The following CDYL2 variants were observed in gnomAD, a reference collection of about 807,000 sequenced individuals.
CDYL2 encodes chromodomain Y-like protein 2.
In CDYL2, 23 loss-of-function variants were observed where a neutral mutation model predicts 49.4. That is an observed-to-expected ratio of 0.47 (90% CI 0.34 to 0.66). CDYL2 has a LOEUF of 0.66. CDYL2 is among the 30% of genes least tolerant of loss of function. CDYL2 has a pLI of 0.01. For synonymous variants in CDYL2, 360 were observed against 268.8 expected (o/e 1.34, Z -3.32); for missense variants, 678 against 656.4 (o/e 1.03, Z -0.36).
intron 1 of CDYL2, among the ~76,000 whole-genome samples, chr16:80,753,206 G>A (rs1226011508): frequency 6.6e-6 from 1 of 151,474 alleles, no homozygotes; most frequent in Non-Finnish European, 1.5e-5. Flanking sequence ...ATTAGAAAGA[G>A]GACAATGTAG....
At chr16:80,692,187 C>A (rs1567573348) in intron 1 of CDYL2, among the ~76,000 whole-genome samples, 2 of 152,218 alleles carry the variant, frequency 1.3e-5, no homozygotes, top group Non-Finnish European at 2.9e-5. Context: ...AAGAAGACTT[C>A]ACTGACGGGG....
rs189932653 is a variant in CDYL2, at chr16:80,768,058, C to A, written c.24+36092G>T. Among the ~76,000 whole-genome samples the A allele has an allele frequency of 4.4e-4, 67 of 152,306 alleles. No individual in the cohort carries two copies. In the Middle Eastern group the frequency reaches 0.01, roughly 23 times the overall value. On this transcript the variant is annotated intron_variant, in intron 1 of 6. Coordinates refer to ENST00000570137, the MANE Select transcript of CDYL2 (RefSeq NM_152342.4). ...ACTCCTCCCAGTTCATATAAGCTAA[C>A]ACCAGGATTCTAAAAGGCAAAGCCC... is the stretch of plus-strand genomic sequence containing the variant.
chr16:80,769,681 T>C (rs1210921290), intron 1 of CDYL2, among the ~76,000 whole-genome samples: 5 of 152,178 alleles, frequency 3.3e-5, no homozygotes, highest in African/African-American at 9.7e-5. Context: ...CCAGTACTTT[T>C]ATGGGTAGAA....
intron 1 of CDYL2, among the ~76,000 whole-genome samples, chr16:80,774,433 G>C (rs1203305566): frequency 6.6e-6 from 1 of 152,068 alleles, no homozygotes; most frequent in Non-Finnish European, 1.5e-5. Context: ...TGATCAACAG[G>C]TGCAAAGCTT....
intron 2 of CDYL2, among the ~76,000 whole-genome samples, chr16:80,661,312 T>A (rs972852662): frequency 7.0e-6 from 1 of 142,556 alleles, no homozygotes; most frequent in Non-Finnish European, 1.6e-5. Context: ...TATGGGCAGC[T>A]GGAGTAGAAG....
chr16:80,666,280 A>C (rs1567562145), intron 2 of CDYL2, among the ~76,000 whole-genome samples: 1 of 152,212 alleles, frequency 6.6e-6, no homozygotes, highest in Non-Finnish European at 1.5e-5. Flanking sequence ...AGCAATTTTA[A>C]AGGTGAAATC....
At chr16:80,645,191 A>G (rs1908280704) in intron 2 of CDYL2, among the ~76,000 whole-genome samples, 1 of 152,214 alleles carries the variant, frequency 6.6e-6, no homozygotes, top group Non-Finnish European at 1.5e-5. Context: ...CTACCATCAG[A>G]GTGAACAGGC....
chr16:80,628,236 A>G (rs1254678041), intron 3 of CDYL2: 1 of 152,212 alleles, frequency 6.6e-6, no homozygotes, highest in East Asian at 1.9e-4. Context: ...AACCCCTTGT[A>G]TTCACACTCT....
intron 1 of CDYL2, among the ~76,000 whole-genome samples, chr16:80,738,243 C>T (rs1001559474): frequency 3.3e-5 from 5 of 152,192 alleles, no homozygotes; most frequent in Non-Finnish European, 7.3e-5. Flanking sequence ...ATATGTGCCA[C>T]ATTTTCTTTA....
chr16:80,717,547 C>A lies in CDYL2; in HGVS notation c.25-32418G>T, dbSNP rs375673861. 3.3e-5 allele frequency among the ~76,000 whole-genome samples: 5 copies of A among 152,274 alleles called. No individual in the cohort carries two copies. In the East Asian group the frequency reaches 7.7e-4, roughly 24 times the overall value. On this transcript the variant is annotated intron_variant, in intron 1 of 6. Transcript: ENST00000570137. Reference sequence around the variant, plus strand: ...AAAGATTTCACTAGGGTGAAGACTGCTTTACCTCTTTAGGAACCATGAAGA... The same window carrying A: ...AAAGATTTCACTAGGGTGAAGACTGATTTACCTCTTTAGGAACCATGAAGA...
chr16:80,721,817 C>T (rs2142526292), intron 1 of CDYL2, among the ~76,000 whole-genome samples: 1 of 152,292 alleles, frequency 6.6e-6, no homozygotes, highest in East Asian at 1.9e-4. Flanking sequence ...CCATCCCCAT[C>T]CTTCTCCTGG....
chr16:80,676,969 T>C (rs1159516957), intron 2 of CDYL2, among the ~76,000 whole-genome samples: 3 of 138,754 alleles, frequency 2.2e-5, no homozygotes, highest in Non-Finnish European at 4.7e-5. Flanking sequence ...ATGTATTTTT[T>C]TTTTTTTTTT....
intron 5 of CDYL2, among the ~76,000 whole-genome samples, chr16:80,610,087 G>T (rs909478527): frequency 6.6e-6 from 1 of 152,154 alleles, no homozygotes. Flanking sequence ...ATTTTTGTAT[G>T]GTTGGTGATG....
At chr16:80,769,327 A>C (rs1906830260) in intron 1 of CDYL2, among the ~76,000 whole-genome samples, 1 of 152,236 alleles carries the variant, frequency 6.6e-6, no homozygotes. Flanking sequence ...GAGTTAATGG[A>C]GGTGATGCTG....
chr16:80,675,290 G>A (rs535674657), intron 2 of CDYL2, among the ~76,000 whole-genome samples: 1 of 152,190 alleles, frequency 6.6e-6, no homozygotes, highest in African/African-American at 2.4e-5. Flanking sequence ...TCTCAGTGCT[G>A]TGTCTTACCC....
chr16:80,740,024 G>A (rs1905680804), intron 1 of CDYL2, among the ~76,000 whole-genome samples: 1 of 152,180 alleles, frequency 6.6e-6, no homozygotes, highest in South Asian at 2.1e-4. Flanking sequence ...AGGGTGGTGG[G>A]TGCCAGAGGA....
At chr16:80,631,023 T>C (rs1907537877) in intron 3 of CDYL2, among the ~76,000 whole-genome samples, 1 of 152,082 alleles carries the variant, frequency 6.6e-6, no homozygotes, top group Admixed American at 6.6e-5. Flanking sequence ...TACAGGATAT[T>C]GCAAGGACAG....
intron 2 of CDYL2, among the ~76,000 whole-genome samples, chr16:80,662,359 A>T (rs1909082106): frequency 6.6e-6 from 1 of 152,162 alleles, no homozygotes; most frequent in African/African-American, 2.4e-5. Context: ...CCTCCTGGAG[A>T]AAGCACCCTT....
intron 1 of CDYL2, among the ~76,000 whole-genome samples, chr16:80,749,766 G>C (rs886414207): frequency 6.6e-6 from 1 of 152,010 alleles, no homozygotes; most frequent in African/African-American, 2.4e-5. Flanking sequence ...ATGTGCATGT[G>C]CTATAAAGAC....
Sources: allele counts gnomAD v4.1 joint callset (sites outside exome capture counted in the v4.1 genomes callset), GRCh38; gene constraint gnomAD v4.1.1; transcripts MANE v1.5; gene names NCBI Gene and HGNC (gene_info 2026-07-23, HGNC 2026-07-21).